RSPO2: variants seen among roughly 807,000 people sequenced by gnomAD.
The protein encoded by RSPO2 is R-spondin-2.
In RSPO2, 14 loss-of-function variants were observed where a neutral mutation model predicts 30.9. The observed-to-expected ratio is 0.45, with a 90% CI of 0.30 to 0.71. The LOEUF is 0.71. Among genes scored for constraint, RSPO2 ranks in the 30% least tolerant of loss-of-function variants. The pLI, the probability that RSPO2 is intolerant of heterozygous loss-of-function variation, is 0.08. For missense variants in RSPO2, 264 were observed against 301.9 expected (o/e 0.87, Z 0.93); for synonymous variants, 107 against 96.4 (o/e 1.11, Z -0.64).
intron 2 of RSPO2, among the ~76,000 whole-genome samples, chr8:108,070,852 G>C (rs536394682): frequency 4.6e-5 from 7 of 152,230 alleles, no homozygotes; most frequent in African/African-American, 1.7e-4. Flanking sequence ...TCCATTAGTG[G>C]ATAATTTTCT....
intron 5 of RSPO2, among the ~76,000 whole-genome samples, chr8:107,935,722 T>C (rs1812703412): frequency 6.6e-6 from 1 of 152,156 alleles, no homozygotes; most frequent in African/African-American, 2.4e-5. Context: ...TGAAGAGCTC[T>C]AGTGTCTTAG....
intron 2 of RSPO2, among the ~76,000 whole-genome samples, chr8:108,022,953 ACACT>A (rs1811101742): frequency 6.6e-6 from 1 of 150,620 alleles, no homozygotes; most frequent in Non-Finnish European, 1.5e-5. Flanking sequence ...AACCACACAC[ACACT>A]CACAGTAGTT....
chr8:108,024,743 G>A (rs558798211), intron 2 of RSPO2, among the ~76,000 whole-genome samples: 68 of 152,310 alleles, frequency 4.5e-4, no homozygotes, highest in African/African-American at 1.3e-3. Context: ...GGATAGGCTG[G>A]GCATGGTGGC....
chr8:107,924,237 T>C (rs1168231945), intron 5 of RSPO2, among the ~76,000 whole-genome samples: 6 of 151,838 alleles, frequency 4.0e-5, no homozygotes. Flanking sequence ...AGAAATAAAT[T>C]GAGACACAAA....
intron 5 of RSPO2, 24 bp downstream of exon 5, chr8:107,958,056 A>C (rs773569572): frequency 2.3e-5 from 36 of 1,564,984 alleles, no homozygotes; most frequent in Non-Finnish European, 3.2e-5. Context: ...CACAGCACAC[A>C]GTAGTGATTA....
chr8:108,058,193 T>A (rs909920715), intron 2 of RSPO2, among the ~76,000 whole-genome samples: 6 of 152,158 alleles, frequency 3.9e-5, no homozygotes, highest in African/African-American at 1.4e-4. Context: ...ACAAGCATTC[T>A]TATACACCAA....
intron 3 of RSPO2, among the ~76,000 whole-genome samples, chr8:107,972,431 C>T (rs916779104): frequency 2.6e-5 from 4 of 152,220 alleles, no homozygotes; most frequent in Admixed American, 1.3e-4. Flanking sequence ...TATATGTGAG[C>T]CACTGTGCCC....
intron 3 of RSPO2, among the ~76,000 whole-genome samples, chr8:107,985,853 A>C (rs1432091096): frequency 6.6e-6 from 1 of 152,192 alleles, no homozygotes; most frequent in Admixed American, 6.5e-5. Context: ...GGTTTCCATA[A>C]GTATGGTTGA....
At chr8:107,991,277 C>T (rs1586607619) in intron 2 of RSPO2, among the ~76,000 whole-genome samples, 4 of 151,744 alleles carry the variant, frequency 2.6e-5, no homozygotes, top group African/African-American at 9.7e-5. Flanking sequence ...CACACACACA[C>T]ACACACACAC....
At chr8:108,031,206 G>A (rs1328126048) in intron 2 of RSPO2, among the ~76,000 whole-genome samples, 2 of 152,182 alleles carry the variant, frequency 1.3e-5, no homozygotes, top group Non-Finnish European at 2.9e-5. Flanking sequence ...CCTACCACCA[G>A]ATTAATCTTC....
intron 3 of RSPO2, among the ~76,000 whole-genome samples, chr8:107,967,750 G>C (rs1177871605): frequency 2.0e-5 from 3 of 152,120 alleles, no homozygotes; most frequent in Non-Finnish European, 4.4e-5. Context: ...ATGCAGAACA[G>C]GACACTTAGA....
intron 5 of RSPO2, among the ~76,000 whole-genome samples, chr8:107,905,727 A>C (rs1196270241): frequency 1.3e-5 from 2 of 151,788 alleles, no homozygotes; most frequent in Admixed American, 1.3e-4. Context: ...CTCCTTTTAC[A>C]TCTAAAGTCA....
At chr8:107,957,329 T>C (rs1813463444) in intron 5 of RSPO2, among the ~76,000 whole-genome samples, 1 of 152,208 alleles carries the variant, frequency 6.6e-6, no homozygotes, top group Admixed American at 6.5e-5. Context: ...AGTGATAAAA[T>C]AAATGTAACC....
At chr8:107,954,249 G>C (rs1331765465) in intron 5 of RSPO2, among the ~76,000 whole-genome samples, 1 of 152,154 alleles carries the variant, frequency 6.6e-6, no homozygotes, top group Non-Finnish European at 1.5e-5. Context: ...TCTTGTACAT[G>C]AACATCCTCC....
intron 2 of RSPO2, among the ~76,000 whole-genome samples, chr8:108,057,659 AT>A (rs1465965754): frequency 2.0e-5 from 3 of 152,072 alleles, no homozygotes; most frequent in Non-Finnish European, 4.4e-5. Context: ...CAGATCATTT[AT>A]TTTCTTACTT....
chr8:108,003,243 ATGT>A (rs1815309094), intron 2 of RSPO2, among the ~76,000 whole-genome samples: 2 of 54,398 alleles, frequency 3.7e-5, no homozygotes, highest in African/African-American at 2.2e-4. Context: ...GTATATATGT[ATGT>A]ATGTATGTGT....
At chr8:107,987,789 T>C (rs1414169415) in intron 3 of RSPO2, among the ~76,000 whole-genome samples, 1 of 152,182 alleles carries the variant, frequency 6.6e-6, no homozygotes, top group East Asian at 1.9e-4. Context: ...AATAATATTG[T>C]CCTTGGTTGA....
chr8:107,935,783 C>T (rs918375943), intron 5 of RSPO2, among the ~76,000 whole-genome samples: 7 of 150,942 alleles, frequency 4.6e-5, no homozygotes, highest in Admixed American at 2.0e-4. Flanking sequence ...ATTAAATAGC[C>T]GGAGGCATTT....
At chr8:107,956,298 A>G (rs192436340) in intron 5 of RSPO2, among the ~76,000 whole-genome samples, 1 of 152,354 alleles carries the variant, frequency 6.6e-6, no homozygotes, top group East Asian at 1.9e-4. Context: ...CTGAAAATGT[A>G]GACACAAGAA....
Sources: gnomAD v4.1 joint callset for allele counts (sites outside exome capture counted in the v4.1 genomes callset) on GRCh38, gnomAD v4.1.1 for gene constraint, MANE v1.5 for transcripts, NCBI Gene and HGNC (gene_info 2026-07-23, HGNC 2026-07-21) for gene names.